Variants in PCLO observed in about 807,000 individuals in gnomAD.
PCLO encodes protein piccolo.
A neutral mutation model predicts 427.5 loss-of-function variants in PCLO; 82 were observed. That is an observed-to-expected ratio of 0.19 (90% CI 0.16 to 0.23). The LOEUF is 0.23. Ranked by LOEUF, PCLO falls within the 10% of genes least tolerant of loss-of-function variation. The pLI is 1.00. For missense variants in PCLO, 6,239 were observed against 6,115.9 expected (o/e 1.02, Z -0.67); for synonymous variants, 2,357 against 2,155.4 (o/e 1.09, Z -2.59).
At chr7:83,115,305 G>A (rs1429802956) in intron 3 of PCLO, among the ~76,000 whole-genome samples, 27 of 151,802 alleles carry the variant, frequency 1.8e-4, no homozygotes, top group Admixed American at 1.7e-3. Context: ...TGAGAGTAAC[G>A]GCAATATGTT....
At chr7:82,890,281 T>G (rs554385526) in intron 9 of PCLO, among the ~76,000 whole-genome samples, 1 of 152,120 alleles carries the variant, frequency 6.6e-6, no homozygotes, top group Non-Finnish European at 1.5e-5. Context: ...AAGAGAAGCA[T>G]TGCAAAAATT....
At chr7:83,015,607 T>C (rs1001385284) in intron 3 of PCLO, among the ~76,000 whole-genome samples, 5 of 152,160 alleles carry the variant, frequency 3.3e-5, no homozygotes, top group African/African-American at 1.2e-4. Context: ...AGATGGCATA[T>C]AATCTAAAAC....
chr7:82,849,872 T>C (rs908614502), intron 10 of PCLO, among the ~76,000 whole-genome samples: 6 of 152,162 alleles, frequency 3.9e-5, no homozygotes, highest in Non-Finnish European at 8.8e-5. Flanking sequence ...ATGTGAATTA[T>C]GATATGTATT....
intron 3 of PCLO, among the ~76,000 whole-genome samples, chr7:83,093,504 T>A (rs1790442692): frequency 9.2e-6 from 1 of 108,382 alleles, no homozygotes; most frequent in Non-Finnish European, 2.0e-5. Context: ...TTTTTTTTTT[T>A]TTTTTTGAGA....
intron 6 of PCLO, among the ~76,000 whole-genome samples, chr7:82,922,758 C>T (rs923251518): frequency 5.9e-5 from 9 of 151,800 alleles, no homozygotes; most frequent in Non-Finnish European, 1.2e-4. Context: ...AGAAAAAAAA[C>T]GAACTACCTC....
At chr7:82,999,864 AAATATAATATAT>A (rs1401060720) in intron 3 of PCLO, among the ~76,000 whole-genome samples, 1 of 77,282 alleles carries the variant, frequency 1.3e-5, no homozygotes, top group Non-Finnish European at 2.2e-5. Flanking sequence ...ATATTATATA[AAATATAATATAT>A]AATATTATAT....
At chr7:82,939,662 G>C (rs2057886) in intron 6 of PCLO, among the ~76,000 whole-genome samples, 1 of 137,624 alleles carries the variant, frequency 7.3e-6, no homozygotes, top group African/African-American at 3.2e-5. Flanking sequence ...TATATATATA[G>C]AGAGAGAGAG....
chr7:82,787,919 G>T (rs1245404593), intron 22 of PCLO, among the ~76,000 whole-genome samples: 1 of 152,000 alleles, frequency 6.6e-6, no homozygotes, highest in African/African-American at 2.4e-5. Context: ...AACACTTGAA[G>T]AAAAAGCTGT....
At chr7:82,973,346 C>G (rs181186013) in intron 3 of PCLO, among the ~76,000 whole-genome samples, 1 of 152,188 alleles carries the variant, frequency 6.6e-6, no homozygotes, top group East Asian at 1.9e-4. Context: ...CAGAATAATT[C>G]ATGTTCAAAA....
At chr7:83,082,443 G>A (rs1309391133) in intron 3 of PCLO, among the ~76,000 whole-genome samples, 2 of 151,596 alleles carry the variant, frequency 1.3e-5, no homozygotes, top group African/African-American at 4.8e-5. Context: ...TTGGAACTTG[G>A]AAAAGAAAAA....
At chr7:82,819,544 A>T (rs1485432938) in intron 20 of PCLO, among the ~76,000 whole-genome samples, 1 of 152,124 alleles carries the variant, frequency 6.6e-6, no homozygotes. Flanking sequence ...AAAAGGTGAG[A>T]GGTGGAATTT....
At chr7:83,081,473 C>T (rs573682074) in intron 3 of PCLO, among the ~76,000 whole-genome samples, 2 of 151,738 alleles carry the variant, frequency 1.3e-5, no homozygotes, top group Non-Finnish European at 3.0e-5. Flanking sequence ...ATGGAAAATA[C>T]CCAGACTATA....
chr7:82,977,380 T>TTTATTTA (rs1796042353), intron 3 of PCLO, among the ~76,000 whole-genome samples: 1 of 132,730 alleles, frequency 7.5e-6, no homozygotes, highest in African/African-American at 2.8e-5. Flanking sequence ...AATTCATCTT[T>TTTATTTA]TTTATTTATT....
chr7:82,785,135 G>T (rs1790958260), intron 22 of PCLO, among the ~76,000 whole-genome samples: 1 of 151,964 alleles, frequency 6.6e-6, no homozygotes, highest in African/African-American at 2.4e-5. Flanking sequence ...AACCTTTTTG[G>T]CAGTAGAGAC....
At chr7:83,070,510 C>T (rs1171165229) in intron 3 of PCLO, among the ~76,000 whole-genome samples, 2 of 151,866 alleles carry the variant, frequency 1.3e-5, no homozygotes, top group African/African-American at 4.8e-5. Context: ...GCCTCAGCCT[C>T]CCGAGTAGCT....
chr7:82,952,300 C>T lies in PCLO; in HGVS notation c.8653G>A (p.Asp2885Asn), dbSNP rs375308935. 4.3e-6 allele frequency: 7 copies of T among 1,613,842 alleles called. No individual in the cohort carries two copies. The highest frequency in any genetic ancestry group is 5.9e-6 in the Non-Finnish European group (7 of 1,179,858). The change falls in exon 5 of 25, where the codon GAT becomes AAT. Residue 2885 changes from aspartate to asparagine, a missense_variant. Transcript: ENST00000333891. Reference protein sequence around the residue: ...PPVGVTNGWTDSTVSQGITDG... With the variant: ...PPVGVTNGWTNSTVSQGITDG... ...GTGATTCCCTGGGATACGGTGCTAT[C>T]AGTCCATCCATTTGTGACACCAACA...
chr7:82,918,853 A>C lies in PCLO; in HGVS notation c.11113-1980T>G, dbSNP rs545750939. On this transcript the variant is annotated intron_variant, in intron 6 of 24. Coordinates refer to ENST00000333891, the MANE Select transcript of PCLO (RefSeq NM_033026.6). ...AAAAAGAGGAGAATATGAAATGAAA[A>C]ATATGACCAATATTTTATTCTAATG... Among the ~76,000 whole-genome samples the C allele has an allele frequency of 2.5e-4, 38 of 152,198 alleles. 1 individual carries two copies. Among genetic ancestry groups the C allele is most frequent in the African/African-American group, 8.4e-4 (35 of 41,560 alleles).
At chr7:82,869,944 A>G (rs1226473861) in intron 10 of PCLO, among the ~76,000 whole-genome samples, 1 of 152,070 alleles carries the variant, frequency 6.6e-6, no homozygotes. Context: ...GAAAGGACAC[A>G]TAAAAAATGG....
chr7:82,791,059 C>A (rs1046063890), intron 22 of PCLO, among the ~76,000 whole-genome samples: 1 of 152,126 alleles, frequency 6.6e-6, no homozygotes, highest in Middle Eastern at 3.2e-3. Context: ...TTGTGCAAGT[C>A]CCTGTGCCAG....
Sources: gnomAD v4.1 joint callset for allele counts (sites outside exome capture counted in the v4.1 genomes callset) on GRCh38, gnomAD v4.1.1 for gene constraint, MANE v1.5 for transcripts, NCBI Gene and HGNC (gene_info 2026-07-23, HGNC 2026-07-21) for gene names.